CFAP95: variants seen among roughly 807,000 people sequenced by gnomAD.
CFAP95 encodes the protein cilia and flagella associated protein 95, also known as cilia- and flagella-associated protein 95.
the CFAP95 span, among the ~76,000 whole-genome samples, chr9:69,824,828 A>C: frequency 3.9e-5 from 6 of 152,234 alleles, no homozygotes; most frequent in African/African-American, 1.4e-4. Flanking sequence ...CCAGAGGCTC[A>C]CAGAAACCTA....
At chr9:69,902,374 A>G in the CFAP95 span, 6 of 452,798 alleles carry the variant, frequency 1.3e-5, no homozygotes, top group African/African-American at 6.0e-5. Flanking sequence ...TTGACATTCT[A>G]AAGTCCTCAA....
the CFAP95 span, among the ~76,000 whole-genome samples, chr9:69,821,405 G>A: frequency 9.2e-5 from 14 of 152,026 alleles, no homozygotes; most frequent in African/African-American, 3.1e-4. Context: ...CCAAATCCCC[G>A]CCACCTGAGG....
the CFAP95 span, among the ~76,000 whole-genome samples, chr9:69,843,664 A>T: frequency 2.4e-5 from 3 of 125,504 alleles, no homozygotes; most frequent in Admixed American, 8.9e-5. Context: ...TTCTTTTTTG[A>T]GACAGGGTCT....
the CFAP95 span, among the ~76,000 whole-genome samples, chr9:69,905,522 T>C: frequency 3.9e-5 from 6 of 152,210 alleles, no homozygotes; most frequent in African/African-American, 1.2e-4. Context: ...ACCAGTGTCA[T>C]GGGAAGTATG....
At chr9:69,869,348 GAC>G in the CFAP95 span, among the ~76,000 whole-genome samples, 1 of 152,152 alleles carries the variant, frequency 6.6e-6, no homozygotes, top group Non-Finnish European at 1.5e-5. Flanking sequence ...GTGAAATACA[GAC>G]ACAGAAAGAA....
At chr9:69,856,377 A>T in the CFAP95 span, among the ~76,000 whole-genome samples, 2 of 152,320 alleles carry the variant, frequency 1.3e-5, no homozygotes, top group East Asian at 3.9e-4. Context: ...GCATCCAGTA[A>T]TTGCTATTTT....
At chr9:69,854,961 A>G in the CFAP95 span, among the ~76,000 whole-genome samples, 1 of 152,182 alleles carries the variant, frequency 6.6e-6, no homozygotes, top group East Asian at 1.9e-4. Flanking sequence ...AAGGTTCTCC[A>G]CTATTGCTAT....
chr9:69,844,533 GC>G, the CFAP95 span: 2 of 1,599,026 alleles, frequency 1.3e-6, no homozygotes. Context: ...TGACAGAGAA[GC>G]TTTTCCCAAA....
the CFAP95 span, among the ~76,000 whole-genome samples, chr9:69,850,997 G>A: frequency 1.3e-5 from 2 of 152,128 alleles, no homozygotes; most frequent in African/African-American, 2.4e-5. Context: ...ATTTCCAGAC[G>A]TTTGGGATGG....
At chr9:69,846,521 G>T in the CFAP95 span, among the ~76,000 whole-genome samples, 1 of 152,192 alleles carries the variant, frequency 6.6e-6, no homozygotes, top group African/African-American at 2.4e-5. Context: ...GACTTTCTGT[G>T]TATAAAGCAC....
the CFAP95 span, among the ~76,000 whole-genome samples, chr9:69,886,044 A>G: frequency 5.9e-5 from 9 of 152,348 alleles, no homozygotes; most frequent in East Asian, 1.7e-3. Context: ...GAGTAGTGCC[A>G]CAAAATCTTG....
At chr9:69,865,072 A>T in the CFAP95 span, among the ~76,000 whole-genome samples, 6 of 152,032 alleles carry the variant, frequency 3.9e-5, no homozygotes, top group Non-Finnish European at 2.9e-5. Flanking sequence ...TCATGGGGGC[A>T]ATTTCCTCCA....
At chr9:69,895,363 C>CTGTGTGTG in the CFAP95 span, among the ~76,000 whole-genome samples, 1,802 of 89,892 alleles carry the variant, frequency 0.02, 21 homozygotes, top group Non-Finnish European at 0.024. Flanking sequence ...CTCTCTCTCT[C>CTGTGTGTG]TCTCTCTGTG....
the CFAP95 span, among the ~76,000 whole-genome samples, chr9:69,895,954 C>T: frequency 6.6e-6 from 1 of 152,160 alleles, no homozygotes; most frequent in Admixed American, 6.5e-5. Flanking sequence ...AGCTGCTGCG[C>T]CTGGCCTGGT....
chr9:69,906,143 T>C, the CFAP95 span: 1 of 1,590,832 alleles, frequency 6.3e-7, no homozygotes. Flanking sequence ...TTAAAAATAA[T>C]GTATAGAATC....
At chr9:69,847,897 G>A in the CFAP95 span, among the ~76,000 whole-genome samples, 1 of 152,122 alleles carries the variant, frequency 6.6e-6, no homozygotes, top group African/African-American at 2.4e-5. Flanking sequence ...TCTACGTTTT[G>A]GCTAAGGCTC....
At chr9:69,844,636 G>A in the CFAP95 span, 3 of 1,576,640 alleles carry the variant, frequency 1.9e-6, no homozygotes, top group Non-Finnish European at 2.6e-6. Context: ...GTAAGTAGTT[G>A]CTATTACTTC....
the CFAP95 span, among the ~76,000 whole-genome samples, chr9:69,893,730 A>C: frequency 6.6e-6 from 1 of 152,238 alleles, no homozygotes; most frequent in African/African-American, 2.4e-5. Context: ...TTGTACCTGG[A>C]AAATTAAGGC....
At chr9:69,879,874 T>C in the CFAP95 span, among the ~76,000 whole-genome samples, 2 of 39,512 alleles carry the variant, frequency 5.1e-5, no homozygotes, top group Non-Finnish European at 1.5e-4. Context: ...AGGTAACTTT[T>C]TGTTTTTTTT....
Sources: allele counts gnomAD v4.1 joint callset (sites outside exome capture counted in the v4.1 genomes callset), GRCh38; gene constraint gnomAD v4.1.1; transcripts MANE v1.5; gene names NCBI Gene and HGNC (gene_info 2026-07-23, HGNC 2026-07-21).